JAZF1: variants seen among roughly 807,000 people sequenced by gnomAD.
The protein encoded by JAZF1 is JAZF zinc finger 1.
JAZF1 carries 8 observed loss-of-function variants against 26.4 expected under a neutral mutation model. The ratio of observed to expected loss-of-function variants is 0.30; its 90% CI spans 0.18 to 0.55. JAZF1 has a LOEUF of 0.55. Among genes scored for constraint, JAZF1 ranks in the 20% least tolerant of loss-of-function variants. The pLI, the probability that JAZF1 is intolerant of heterozygous loss-of-function variation, is 0.94. For synonymous variants in JAZF1, 126 were observed against 122.3 expected (o/e 1.03, Z -0.20); for missense variants, 199 against 322.0 (o/e 0.62, Z 2.92).
intron 1 of JAZF1, among the ~76,000 whole-genome samples, chr7:28,148,421 G>C (rs1383311514): frequency 2.0e-5 from 3 of 152,162 alleles, no homozygotes; most frequent in East Asian, 3.9e-4. Context: ...AGGCCGCATA[G>C]CAGAGCAAGT....
At chr7:27,893,699 T>C (rs533860376) in intron 3 of JAZF1, among the ~76,000 whole-genome samples, 1 of 152,340 alleles carries the variant, frequency 6.6e-6, no homozygotes, top group African/African-American at 2.4e-5. Flanking sequence ...TATTTGCGTA[T>C]TGATTTGATT....
intron 1 of JAZF1, among the ~76,000 whole-genome samples, chr7:28,135,161 T>C (rs1009098736): frequency 6.6e-6 from 1 of 152,204 alleles, no homozygotes; most frequent in Non-Finnish European, 1.5e-5. Flanking sequence ...ACAGGTTACA[T>C]TGCATACACA....
chr7:28,013,470 G>C (rs1256247865), intron 1 of JAZF1, among the ~76,000 whole-genome samples: 3 of 152,146 alleles, frequency 2.0e-5, no homozygotes, highest in Non-Finnish European at 2.9e-5. Context: ...CGGGGGTTGG[G>C]GGGGTAGGGC....
intron 2 of JAZF1, among the ~76,000 whole-genome samples, chr7:27,896,508 C>T (rs1266069755): frequency 6.6e-6 from 1 of 152,206 alleles, no homozygotes; most frequent in Admixed American, 6.5e-5. Flanking sequence ...CTCTCCAACA[C>T]CTCCCGCATC....
chr7:28,098,289 A>C (rs772493930), intron 1 of JAZF1, among the ~76,000 whole-genome samples: 65 of 152,290 alleles, frequency 4.3e-4, no homozygotes, highest in Admixed American at 1.2e-3. Flanking sequence ...CCAGGAAGTG[A>C]ATCGGCCAGC....
intron 1 of JAZF1, among the ~76,000 whole-genome samples, chr7:28,158,186 C>CACACAGAGAGAGAGAGAG (rs149643430): frequency 1.4e-5 from 2 of 143,346 alleles, no homozygotes; most frequent in Non-Finnish European, 3.0e-5. Context: ...CACACACACA[C>CACACAGAGAGAGAGAGAG]AGAGAGAGAG....
intron 1 of JAZF1, among the ~76,000 whole-genome samples, chr7:28,110,570 AGGGAAAG>A (rs1374196257): frequency 7.7e-6 from 1 of 129,996 alleles, no homozygotes; most frequent in African/African-American, 2.8e-5. Flanking sequence ...GGAAAGGAAA[AGGGAAAG>A]GGAAAAGGAA....
intron 1 of JAZF1, among the ~76,000 whole-genome samples, chr7:28,000,102 C>T (rs1583501270): frequency 6.6e-6 from 1 of 152,104 alleles, no homozygotes; most frequent in Non-Finnish European, 1.5e-5. Flanking sequence ...TCTGTGGATA[C>T]TGTAGAAAAG....
intron 1 of JAZF1, among the ~76,000 whole-genome samples, chr7:28,004,369 C>T (rs1422153560): frequency 6.6e-6 from 1 of 151,376 alleles, no homozygotes; most frequent in Non-Finnish European, 1.5e-5. Flanking sequence ...GGTTTCTAGC[C>T]AGAACTGCCC....
intron 1 of JAZF1, among the ~76,000 whole-genome samples, chr7:28,123,988 G>A (rs1053539751): frequency 2.0e-5 from 3 of 152,184 alleles, no homozygotes; most frequent in South Asian, 2.1e-4. Context: ...AACAGGAGAC[G>A]CAACGTGCCA....
intron 3 of JAZF1, among the ~76,000 whole-genome samples, chr7:27,848,484 C>T (rs1039023462): frequency 2.0e-5 from 3 of 152,158 alleles, no homozygotes; most frequent in Non-Finnish European, 2.9e-5. Flanking sequence ...TGAAACCATT[C>T]TCTATCAGAG....
chr7:27,858,215 G>T (rs1783307292), intron 3 of JAZF1, among the ~76,000 whole-genome samples: 1 of 152,036 alleles, frequency 6.6e-6, no homozygotes, highest in African/African-American at 2.4e-5. Flanking sequence ...TAAACCACTG[G>T]TCAAGGAAAT....
At chr7:27,984,802 C>T (rs1166835652) in intron 2 of JAZF1, among the ~76,000 whole-genome samples, 1 of 152,216 alleles carries the variant, frequency 6.6e-6, no homozygotes, top group African/African-American at 2.4e-5. Context: ...AAGAAACTCA[C>T]TCAAAACCAC....
intron 2 of JAZF1, among the ~76,000 whole-genome samples, chr7:27,985,319 A>G (rs559221874): frequency 1.3e-5 from 2 of 152,372 alleles, no homozygotes; most frequent in East Asian, 3.9e-4. Context: ...AGAATACTAT[A>G]AACACCTCTA....
At chr7:28,092,326 A>AAAAAAAAAAAAAAAAAAAAAAAG (rs1562584279) in intron 1 of JAZF1, among the ~76,000 whole-genome samples, 1 of 132,508 alleles carries the variant, frequency 7.5e-6, no homozygotes, top group Non-Finnish European at 1.6e-5. Flanking sequence ...AAAAAAAAAA[A>AAAAAAAAAAAAAAAAAAAAAAAG]CAACTAATGT....
chr7:28,055,231 C>G (rs1783684511), intron 1 of JAZF1, among the ~76,000 whole-genome samples: 1 of 152,156 alleles, frequency 6.6e-6, no homozygotes, highest in East Asian at 1.9e-4. Flanking sequence ...TCCCTCCCAT[C>G]CCCTTTTTGC....
At chr7:28,132,889 A>G (rs1782819397) in intron 1 of JAZF1, among the ~76,000 whole-genome samples, 1 of 151,950 alleles carries the variant, frequency 6.6e-6, no homozygotes. Context: ...ACTCCTGACT[A>G]TGGAACTCCA....
At position 27,851,774 on chromosome 7, in the gene JAZF1, G is replaced by A. The variant is rs145794701; in HGVS notation, c.386-10907C>T. ...CTAAATTTAGCCTATTACACAGTTG[G>A]TTCTAAAGAGCTGAATTATTTTTTC... On this transcript the variant is annotated intron_variant, in intron 3 of 4. Coordinates refer to ENST00000283928, the MANE Select transcript of JAZF1 (RefSeq NM_175061.4). Among the ~76,000 whole-genome samples, 10 of 152,298 alleles carry A rather than the reference G, an allele frequency of 6.6e-5. No individual in the cohort carries two copies. The East Asian group carries it at 1.7e-3, about 26-fold the overall frequency.
At chr7:28,046,045 C>T (rs1242864817) in intron 1 of JAZF1, among the ~76,000 whole-genome samples, 1 of 152,184 alleles carries the variant, frequency 6.6e-6, no homozygotes, top group Non-Finnish European at 1.5e-5. Flanking sequence ...AGGTTAATTA[C>T]TACAAGAACT....
Sources: gnomAD v4.1 joint callset for allele counts (sites outside exome capture counted in the v4.1 genomes callset) on GRCh38, gnomAD v4.1.1 for gene constraint, MANE v1.5 for transcripts, NCBI Gene and HGNC (gene_info 2026-07-23, HGNC 2026-07-21) for gene names.